The following PGM3 variants were observed in gnomAD, a reference collection of about 807,000 sequenced individuals.
PGM3 encodes the protein phosphoglucomutase 3, also known as phosphoacetylglucosamine mutase.
PGM3 carries 40 observed loss-of-function variants against 66.2 expected under a neutral mutation model. The observed-to-expected ratio is 0.60, with a 90% CI of 0.47 to 0.79. The LOEUF (loss-of-function observed/expected upper bound fraction) is 0.79. Among genes scored for constraint, PGM3 ranks in the 30% least tolerant of loss-of-function variants. The pLI is 0.00. For missense variants in PGM3, 537 were observed against 643.4 expected (o/e 0.83, Z 1.79); for synonymous variants, 191 against 224.2 (o/e 0.85, Z 1.32).
chr6:83,191,840 A>T (rs1409977840), intron 1 of PGM3, among the ~76,000 whole-genome samples: 1 of 151,742 alleles, frequency 6.6e-6, no homozygotes. Flanking sequence ...AATACAAAAA[A>T]ATTAGTCGGG....
chr6:83,181,307 A>C (rs1051583390), intron 6 of PGM3, among the ~76,000 whole-genome samples: 27 of 152,156 alleles, frequency 1.8e-4, no homozygotes, highest in African/African-American at 6.5e-4. Context: ...ATTCTCAAAA[A>C]GGGATCCCCA....
At chr6:83,180,844 A>T (rs932908444) in intron 6 of PGM3, among the ~76,000 whole-genome samples, 6 of 152,242 alleles carry the variant, frequency 3.9e-5, no homozygotes, top group Admixed American at 1.3e-4. Flanking sequence ...AATAACATGA[A>T]TGAATGAGGC....
At chr6:83,185,950 A>G (rs751430949) in intron 4 of PGM3, among the ~76,000 whole-genome samples, 1 of 152,318 alleles carries the variant, frequency 6.6e-6, no homozygotes, top group Middle Eastern at 3.4e-3. Flanking sequence ...AGCAAGTAGA[A>G]GCTCAAAGAA....
At chr6:83,193,533 A>C (rs1488718582), upstream of PGM3, 1 of 151,904 alleles carries the variant, frequency 6.6e-6, no homozygotes, top group Non-Finnish European at 1.5e-5. Context: ...TCCGCCTCCA[A>C]ATCCGGGCCT....
downstream of PGM3, chr6:83,163,026 T>C (rs1443722698): frequency 4.5e-6 from 6 of 1,321,472 alleles, no homozygotes; most frequent in South Asian, 7.1e-5. Flanking sequence ...CAAGTTGAGC[T>C]ATTTTGAAAA....
chr6:83,177,669 A>G (rs1296587717), intron 8 of PGM3, among the ~76,000 whole-genome samples: 1 of 152,190 alleles, frequency 6.6e-6, no homozygotes, highest in East Asian at 1.9e-4. Context: ...GGGCCTGACT[A>G]GGCCTTGTCC....
At chr6:83,182,151 TTGAACAACTTATAGCA>T (rs1377000074) in intron 5 of PGM3, among the ~76,000 whole-genome samples, 1 of 152,250 alleles carries the variant, frequency 6.6e-6, no homozygotes, top group Non-Finnish European at 1.5e-5. Context: ...GTTTTGCTGA[TTGAACAACTTATAGCA>T]TAGAGCTTTA....
In PGM3 at chr6:83,172,439, CCTCA is replaced by C. The variant is rs540959875; in HGVS notation, c.1243-384_1243-381del. On this transcript the variant is annotated intron_variant, in intron 10 of 12. Coordinates refer to ENST00000513973, the MANE Select transcript of PGM3 (RefSeq NM_015599.3). ...TAATAAAAAACAAATGCACTCCTGACCTCACTGTCAGGAATTTGAAACCAGCCTG... is the reference window on the plus strand; with the variant it reads ...TAATAAAAAACAAATGCACTCCTGACCTGTCAGGAATTTGAAACCAGCCTG... Among the ~76,000 whole-genome samples the C allele has an allele frequency of 1.1e-3, 172 of 151,910 alleles. No individual in the cohort carries two copies. In the Middle Eastern group the frequency reaches 0.037, roughly 33 times the overall value.
At chr6:83,172,110 G>A (rs372945163) in intron 10 of PGM3, 51 bp from the exon 11 acceptor site, 16 of 1,594,746 alleles carry the variant, frequency 1.0e-5, no homozygotes, top group Non-Finnish European at 1.4e-5. Flanking sequence ...AGCAAATCTT[G>A]GAAATGGATG....
downstream of PGM3, among the ~76,000 whole-genome samples, chr6:83,161,810 C>G (rs912348139): frequency 6.6e-6 from 1 of 152,106 alleles, no homozygotes; most frequent in African/African-American, 2.4e-5. Context: ...GCCTATAATT[C>G]TGCTACATCC....
At chr6:83,173,407 TTTC>T (rs1426719022) in intron 10 of PGM3, among the ~76,000 whole-genome samples, 1 of 152,226 alleles carries the variant, frequency 6.6e-6, no homozygotes, top group Non-Finnish European at 1.5e-5. Flanking sequence ...ATCACTCATT[TTTC>T]TTTTTATAAA....
the PGM3 span, chr6:83,153,889 T>C: frequency 6.2e-7 from 1 of 1,606,638 alleles, no homozygotes; most frequent in Non-Finnish European, 8.5e-7. Flanking sequence ...TTTTCTTCCT[T>C]GTAGTGCACA....
chr6:83,166,606 A>G lies in PGM3; in HGVS notation c.*2628T>C. The G allele has an allele frequency of 2.8e-6, 2 of 716,946 alleles. No homozygotes were observed. The highest frequency in any genetic ancestry group is 4.2e-6 in the Non-Finnish European group (2 of 475,158). 44.4% of individuals were successfully genotyped at this position (716,946 alleles called of 1,614,324 possible). On this transcript the variant is annotated 3_prime_UTR_variant, in exon 13 of 13. Transcript: ENST00000513973. ...TTAAAATGATGTATAACATAACCAC[A>G]TTTATTTAAGAATGTACTCCAATAT...
chr6:83,172,359 G>A (rs775603541), intron 10 of PGM3, among the ~76,000 whole-genome samples: 1 of 152,134 alleles, frequency 6.6e-6, no homozygotes, highest in Non-Finnish European at 1.5e-5. Context: ...CTGTGATAAT[G>A]CCTGTGAACA....
At chr6:83,192,154 T>C (rs1206698396) in intron 1 of PGM3, among the ~76,000 whole-genome samples, 2 of 149,824 alleles carry the variant, frequency 1.3e-5, no homozygotes, top group African/African-American at 4.9e-5. Context: ...TAGTCCCAGC[T>C]ACTCAGGAGG....
downstream of PGM3, chr6:83,164,834 T>G (rs1229077521): frequency 1.3e-6 from 1 of 792,202 alleles, no homozygotes; most frequent in Non-Finnish European, 2.0e-6. Context: ...AAGGAAGTCT[T>G]TTTTCAAGTG....
At chr6:83,191,621 C>T (rs1318207549) in intron 1 of PGM3, among the ~76,000 whole-genome samples, 1 of 152,178 alleles carries the variant, frequency 6.6e-6, no homozygotes, top group African/African-American at 2.4e-5. Context: ...AATCAGGACA[C>T]CCTTCTAAGA....
downstream of PGM3, among the ~76,000 whole-genome samples, chr6:83,162,029 A>G (rs566775088): frequency 2.2e-4 from 34 of 152,316 alleles, no homozygotes; most frequent in Admixed American, 1.4e-3. Context: ...CAAATAAATT[A>G]TATCAAAAAT....
intron 4 of PGM3, among the ~76,000 whole-genome samples, chr6:83,184,103 C>T (rs1788399288): frequency 1.3e-5 from 2 of 152,146 alleles, no homozygotes; most frequent in South Asian, 4.1e-4. Context: ...ACTATACTTT[C>T]ATTGTAAACC....
Sources: allele counts gnomAD v4.1 joint callset (sites outside exome capture counted in the v4.1 genomes callset), GRCh38; gene constraint gnomAD v4.1.1; transcripts MANE v1.5; gene names NCBI Gene and HGNC (gene_info 2026-07-23, HGNC 2026-07-21).